Variants in EYS observed in about 807,000 individuals in gnomAD.
EYS encodes EGF-like photoreceptor maintenance factor.
Under a neutral mutation model 282.1 loss-of-function variants are expected in EYS, and 250 were observed. That is an observed-to-expected ratio of 0.89 (90% confidence interval 0.80 to 0.98). EYS has a LOEUF of 0.98. Ranked by LOEUF, EYS falls within the 50% of genes least tolerant of loss-of-function variation. The probability of loss-of-function intolerance (pLI) is 0.00; values close to 1 mark genes in which losing one functional copy is unlikely to be tolerated. For missense variants in EYS, 4,016 were observed against 3,709.0 expected (o/e 1.08, Z -2.15); for synonymous variants, 1,355 against 1,282.9 (o/e 1.06, Z -1.20).
At chr6:64,031,684 C>T (rs1302565596) in intron 33 of EYS, among the ~76,000 whole-genome samples, 1 of 152,116 alleles carries the variant, frequency 6.6e-6, no homozygotes, top group Non-Finnish European at 1.5e-5. Context: ...TGTGAATGCT[C>T]CAATTGACAC....
Position 63,907,850 on chromosome 6 carries a change from A to G in EYS, c.7056-43492T>C, listed in dbSNP as rs149728269. ...TGTATACATTATTTAGCTCCCACTT[A>G]TAAGTGAGAACATGTAATATTTGCC... On this transcript the variant is annotated intron_variant, in intron 35 of 42. Coordinates refer to ENST00000503581, the MANE Select transcript of EYS (RefSeq NM_001142800.2). Among the ~76,000 whole-genome samples the G allele has an allele frequency of 6.9e-3, 1,056 of 152,012 alleles. 14 individuals carry two copies. The highest frequency in any genetic ancestry group is 6.7e-3 in the Non-Finnish European group (457 of 67,982).
chr6:65,407,046 A>T lies in EYS; in HGVS notation c.863-1679T>A, dbSNP rs549155554. On this transcript the variant is annotated intron_variant, in intron 5 of 42. Coordinates refer to ENST00000503581, the MANE Select transcript of EYS (RefSeq NM_001142800.2). ...GAATTTTATTAAATCAATAGATAAA[A>T]TTGGGAAAAATTTCCATCCCAACAA... is the stretch of plus-strand genomic sequence containing the variant. 4.6e-5 allele frequency among the ~76,000 whole-genome samples: 7 copies of T among 152,246 alleles called. No homozygotes were observed. In the East Asian group the frequency reaches 1.4e-3, roughly 29 times the overall value.
chr6:63,792,901 A>G (rs963652514), intron 37 of EYS, among the ~76,000 whole-genome samples: 15 of 152,194 alleles, frequency 9.9e-5, no homozygotes, highest in African/African-American at 3.4e-4. Context: ...TGAAGCAACA[A>G]ACATGAGTGG....
chr6:65,128,830 G>C (rs1023865898), intron 12 of EYS, among the ~76,000 whole-genome samples: 10 of 151,828 alleles, frequency 6.6e-5, no homozygotes, highest in African/African-American at 2.4e-4. Context: ...AATTCATATG[G>C]AACAATAGAA....
intron 2 of EYS, among the ~76,000 whole-genome samples, chr6:65,582,850 AT>A (rs1488987177): frequency 1.3e-5 from 2 of 152,028 alleles, no homozygotes; most frequent in Non-Finnish European, 2.9e-5. Flanking sequence ...TTTTATGGAC[AT>A]TTTTTGTTTT....
chr6:65,008,412 G>A (rs1327857138), intron 13 of EYS, among the ~76,000 whole-genome samples: 2 of 151,976 alleles, frequency 1.3e-5, no homozygotes, highest in Non-Finnish European at 2.9e-5. Context: ...TGGCAACCTT[G>A]GTTTTTTATA....
intron 12 of EYS, among the ~76,000 whole-genome samples, chr6:65,077,236 T>C (rs1561954038): frequency 1.3e-5 from 2 of 152,220 alleles, no homozygotes; most frequent in Middle Eastern, 3.4e-3. Context: ...CTATGTGTGG[T>C]TGTGGCCTCT....
At position 64,194,076 on chromosome 6, in the gene EYS, G is replaced by A. The variant is rs146202886; in HGVS notation, c.6424+36516C>T. ...TTTAGTAGAGACGGGGTTTCACCAC[G>A]TAAGCCAGGATAGTCTCGACCTTCT... On this transcript the variant is annotated intron_variant, in intron 31 of 42. Transcript: ENST00000503581. Among the ~76,000 whole-genome samples, 454 of 152,174 alleles carry A rather than the reference G, an allele frequency of 3.0e-3. 4 individuals are homozygous for A. Among genetic ancestry groups the A allele is most frequent in the African/African-American group, 0.01 (419 of 41,498 alleles).
In EYS at chr6:64,693,050, T is replaced by C. The variant is rs561237241; in HGVS notation, c.3444-66805A>G. Among the ~76,000 whole-genome samples, 3 of 144,614 alleles carry C rather than the reference T, an allele frequency of 2.1e-5. No homozygotes were observed. In the South Asian group the frequency reaches 6.6e-4, roughly 32 times the overall value. The allele number at this position is 144,614 out of a possible 152,430, so 94.9% of individuals were successfully genotyped here. ...TTTTTTCTAATTCTGTGGAGAATAT[T>C]GTTTATGATTTGATAGGAATATCTT... is the stretch of plus-strand genomic sequence containing the variant. On this transcript the variant is annotated intron_variant, in intron 22 of 42. Transcript: ENST00000503581.
intron 12 of EYS, among the ~76,000 whole-genome samples, chr6:65,131,005 T>C (rs1200529492): frequency 6.6e-6 from 1 of 151,524 alleles, no homozygotes; most frequent in Non-Finnish European, 1.5e-5. Context: ...CAAATTTATT[T>C]CTTAAGTTTT....
chr6:65,339,549 G>A (rs1770119719), intron 10 of EYS, among the ~76,000 whole-genome samples: 1 of 146,996 alleles, frequency 6.8e-6, no homozygotes, highest in South Asian at 2.2e-4. Flanking sequence ...AGGTATGTAT[G>A]TATAGAAAAA....
chr6:63,876,853 T>A (rs193264266), intron 35 of EYS, among the ~76,000 whole-genome samples: 125 of 152,328 alleles, frequency 8.2e-4, no homozygotes, highest in African/African-American at 2.8e-3. Context: ...ATTTTGAGCC[T>A]ATGTGTGTCT....
At position 64,176,499 on chromosome 6, in the gene EYS, TTGTGTGTG is replaced by T. The variant is rs111683045; in HGVS notation, c.6424+54085_6424+54092del. On this transcript the variant is annotated intron_variant, in intron 31 of 42. Coordinates refer to ENST00000503581, the MANE Select transcript of EYS (RefSeq NM_001142800.2). ...CAGAATAAATTTTAACATATCACGA[TTGTGTGTG>T]TGTGTGTGTGTGTGTGTGTTTGTGT... Among the ~76,000 whole-genome samples, 50 of 147,152 alleles carry T rather than the reference TTGTGTGTG, an allele frequency of 3.4e-4. No homozygotes were observed. In the South Asian group the frequency reaches 3.7e-3, roughly 11 times the overall value.
At position 64,876,724 on chromosome 6, in the gene EYS, C is replaced by A. The variant is rs998823826; in HGVS notation, c.2992+9973G>T. Among the ~76,000 whole-genome samples the A allele has an allele frequency of 2.8e-4, 43 of 152,130 alleles. 1 individual carries two copies. The highest frequency in any genetic ancestry group is 1.0e-3 in the African/African-American group (43 of 41,498). On this transcript the variant is annotated intron_variant, in intron 19 of 42. Transcript: ENST00000503581. Reference sequence around the variant, plus strand: ...TAGGCTTGTAAGAGAAACTTCTATACAAAGCCTGATAAAATAATACAGAAA... The same window carrying A: ...TAGGCTTGTAAGAGAAACTTCTATAAAAAGCCTGATAAAATAATACAGAAA...
chr6:65,004,737 A>G (rs546992817), intron 13 of EYS, among the ~76,000 whole-genome samples: 1 of 147,714 alleles, frequency 6.8e-6, no homozygotes, highest in South Asian at 2.2e-4. Context: ...ATATTTCAGC[A>G]TAAAGGCATC....
intron 11 of EYS, among the ~76,000 whole-genome samples, chr6:65,324,382 C>T (rs890976375): frequency 6.6e-6 from 1 of 152,142 alleles, no homozygotes; most frequent in Non-Finnish European, 1.5e-5. Flanking sequence ...AGGAAGGAGC[C>T]AGATTTCCAG....
chr6:65,230,665 C>T (rs191333223), intron 12 of EYS, among the ~76,000 whole-genome samples: 155 of 151,730 alleles, frequency 1.0e-3, no homozygotes, highest in Non-Finnish European at 1.7e-3. Context: ...GGAGGGCCTC[C>T]CCTCATTTTT....
intron 13 of EYS, among the ~76,000 whole-genome samples, chr6:65,048,424 T>C (rs1039137962): frequency 3.3e-5 from 5 of 151,866 alleles, no homozygotes; most frequent in African/African-American, 1.2e-4. Context: ...TACTACTTCT[T>C]CCTAATTGGA....
intron 2 of EYS, among the ~76,000 whole-genome samples, chr6:65,509,116 T>A (rs1462643892): frequency 2.6e-5 from 4 of 152,140 alleles, no homozygotes; most frequent in Admixed American, 2.6e-4. Context: ...AGGAGTAACG[T>A]ACTATAAACA....
Sources: gnomAD v4.1 joint callset for allele counts (sites outside exome capture counted in the v4.1 genomes callset) on GRCh38, gnomAD v4.1.1 for gene constraint, MANE v1.5 for transcripts, NCBI Gene and HGNC (gene_info 2026-07-23, HGNC 2026-07-21) for gene names.